The following PTPRZ1 variants were observed in gnomAD, a reference collection of about 807,000 sequenced individuals.
PTPRZ1 encodes protein tyrosine phosphatase receptor type Z1.
PTPRZ1 carries 82 observed loss-of-function variants against 214.1 expected under a neutral mutation model. That is an observed-to-expected ratio of 0.38 (90% CI 0.32 to 0.46). PTPRZ1 has a LOEUF of 0.46. Among genes scored for constraint, PTPRZ1 ranks in the 20% least tolerant of loss-of-function variants. PTPRZ1 has a pLI of 1.00. For synonymous variants in PTPRZ1, 945 were observed against 987.9 expected, an observed-to-expected ratio of 0.96 and a Z score of 0.81; for missense variants, 2,603 against 2,748.7, an observed-to-expected ratio of 0.95 and a Z score of 1.19.
At chr7:121,966,994 T>C (rs1468849404) in intron 2 of PTPRZ1, 1 of 152,176 alleles carries the variant, frequency 6.6e-6, no homozygotes, top group East Asian at 1.9e-4. Flanking sequence ...GCCATGGAAA[T>C]GCTAGCGTTT....
chr7:122,035,111 T>A (rs1562874622), intron 17 of PTPRZ1, among the ~76,000 whole-genome samples: 2 of 152,266 alleles, frequency 1.3e-5, no homozygotes, highest in African/African-American at 4.8e-5. Flanking sequence ...ACATTCTACT[T>A]ATACCCTTTC....
chr7:121,981,190 C>T (rs1323120392), intron 6 of PTPRZ1, among the ~76,000 whole-genome samples: 1 of 151,836 alleles, frequency 6.6e-6, no homozygotes, highest in East Asian at 1.9e-4. Flanking sequence ...GAAAAGGCTT[C>T]ACTTTACTTG....
chr7:121,945,717 A>C lies in PTPRZ1; in HGVS notation c.124+17496A>C, dbSNP rs564202878. Among the ~76,000 whole-genome samples, 77 of 152,222 alleles carry C rather than the reference A, an allele frequency of 5.1e-4. 1 individual carries two copies. Among genetic ancestry groups the C allele is most frequent in the South Asian group, 2.5e-3 (12 of 4,822 alleles). ...TCCTTTAAATTCTGTACCTCTTCTT[A>C]TACACACCCTAGAGACAGTGTGCCA... On this transcript the variant is annotated intron_variant, in intron 2 of 29. Coordinates refer to ENST00000393386, the MANE Select transcript of PTPRZ1 (RefSeq NM_002851.3).
chr7:121,877,673 C>T (rs1262487509), intron 1 of PTPRZ1, among the ~76,000 whole-genome samples: 2 of 152,182 alleles, frequency 1.3e-5, no homozygotes, highest in Non-Finnish European at 2.9e-5. Context: ...GAGACTTAAA[C>T]TCATGATGCT....
In PTPRZ1 at chr7:122,010,288, T is replaced by TC. The variant is rs1429738110; in HGVS notation, c.1288-45dup. The TC allele has an allele frequency of 3.3e-6, 5 of 1,526,752 alleles. No homozygotes were observed. In the Admixed American group the frequency reaches 8.8e-5, roughly 27 times the overall value. 94.6% of individuals were successfully genotyped at this position (1,526,752 alleles called of 1,614,324 possible). On this transcript the variant is annotated intron_variant, in intron 11 of 29. Coordinates refer to ENST00000393386, the MANE Select transcript of PTPRZ1 (RefSeq NM_002851.3). Reference sequence around the variant, plus strand: ...GTGTAAGATATGAAGATTTTCTTTTTCTCTTATTTCCTTATGACTCATTAA... The same window carrying TC: ...GTGTAAGATATGAAGATTTTCTTTTTCCTCTTATTTCCTTATGACTCATTAA...
rs1225471606 is a variant in PTPRZ1, at chr7:122,031,506, C to A, written c.5113C>A (p.Pro1705Thr). 1 of 1,611,282 alleles carries A rather than the reference C, an allele frequency of 6.2e-7. No homozygotes were observed. Among genetic ancestry groups the A allele is most frequent in the Non-Finnish European group, 8.5e-7 (1 of 1,178,492 alleles). The change falls in exon 15 of 30, where the codon CCA (proline) becomes ACA (threonine). Residue 1705 changes from proline to threonine, a missense_variant. Pro to Thr is a conservative substitution (Grantham distance 38, BLOSUM62 -1). Around this residue, in one of 6 missense-constraint regions of PTPRZ1, gnomAD observed 1,913 missense variants for 1,914.3 expected, o/e 1.00. Transcript: ENST00000393386. The part of the protein sequence containing the change: ...DVGAIPIKHF[P>T]KHVADLHASS... ...CGGAGCAATTCCAATAAAGCACTTT[C>A]CAAAGCATGTTGCAGATTTACATGC...
Position 121,897,869 on chromosome 7 carries a change from T to C in PTPRZ1, c.58+24312T>C, listed in dbSNP as rs571943111. 7.9e-5 allele frequency among the ~76,000 whole-genome samples: 12 copies of C among 152,322 alleles called. No individual in the cohort carries two copies. The East Asian group carries it at 1.9e-3, about 25-fold the overall frequency. ...GGTATATATAAGGCAAAATTATCCA[T>C]TGATGACTTATTACTTATTTGGCCA... On this transcript the variant is annotated intron_variant, in intron 1 of 29. Coordinates refer to ENST00000393386, the MANE Select transcript of PTPRZ1 (RefSeq NM_002851.3).
At chr7:121,994,622 C>T (rs1482858432) in intron 8 of PTPRZ1, among the ~76,000 whole-genome samples, 1 of 152,024 alleles carries the variant, frequency 6.6e-6, no homozygotes, top group East Asian at 1.9e-4. Context: ...ATGATATTGT[C>T]CAGAGTCACT....
At chr7:121,905,800 G>A (rs1795098959) in intron 1 of PTPRZ1, among the ~76,000 whole-genome samples, 1 of 152,100 alleles carries the variant, frequency 6.6e-6, no homozygotes, top group African/African-American at 2.4e-5. Flanking sequence ...AGTAAATCTG[G>A]AAGCATTTTT....
chr7:122,021,313 A>G (rs991361752), intron 13 of PTPRZ1, among the ~76,000 whole-genome samples: 3 of 152,192 alleles, frequency 2.0e-5, no homozygotes, highest in Admixed American at 6.5e-5. Context: ...CATCTGCATT[A>G]TATGGGGAAA....
chr7:122,043,902 C>T (rs1163839817), intron 22 of PTPRZ1, among the ~76,000 whole-genome samples: 1 of 152,028 alleles, frequency 6.6e-6, no homozygotes, highest in Non-Finnish European at 1.5e-5. Context: ...GCACATGTAC[C>T]CCTGAACTTA....
In PTPRZ1 at chr7:122,013,334, G is replaced by A; in HGVS notation, c.4288G>A (p.Asp1430Asn). 6.2e-7 allele frequency: 1 copy of A among 1,614,114 alleles called. No individual in the cohort carries two copies. Among genetic ancestry groups the A allele is most frequent in the East Asian group, 2.2e-5 (1 of 44,872 alleles). ...TGATGATGATGGTGATGATGATGATGATGACAGAGGTAGTGATGGCTTATC... is the reference window on the plus strand; with the variant it reads ...TGATGATGATGGTGATGATGATGATAATGACAGAGGTAGTGATGGCTTATC... ...DTDDDGDDDD[D>N]DRGSDGLSIH... The change falls in exon 12 of 30, where the codon GAT (aspartate) becomes AAT (asparagine). Residue 1430 changes from aspartate to asparagine, a missense_variant. This residue lies in a region of PTPRZ1 where 1,913 missense variants were observed against 1,914.3 expected (regional missense o/e 1.00). Transcript: ENST00000393386.
chr7:121,903,557 G>T (rs1367404761), intron 1 of PTPRZ1, among the ~76,000 whole-genome samples: 1 of 152,148 alleles, frequency 6.6e-6, no homozygotes, highest in East Asian at 1.9e-4. Flanking sequence ...CAAATCAATG[G>T]AATATAAATA....
intron 1 of PTPRZ1, among the ~76,000 whole-genome samples, chr7:121,923,716 T>C (rs980173311): frequency 2.0e-5 from 3 of 151,492 alleles, no homozygotes; most frequent in Non-Finnish European, 4.4e-5. Flanking sequence ...GTGGTAAAAA[T>C]TTTGAGAAAA....
chr7:122,044,533 C>T lies in PTPRZ1; in HGVS notation c.6049C>T (p.Pro2017Ser). 1 of 1,613,758 alleles carries T rather than the reference C, an allele frequency of 6.2e-7. No individual in the cohort carries two copies. Among genetic ancestry groups the T allele is most frequent in the Non-Finnish European group, 8.5e-7 (1 of 1,179,780 alleles). The change falls in exon 23 of 30, where the codon CCA (proline) becomes TCA (serine). Residue 2017 changes from proline (P) to serine (S), a missense_variant. Around this residue, in one of 6 missense-constraint regions of PTPRZ1, gnomAD observed 1,913 missense variants for 1,914.3 expected, o/e 1.00. Coordinates refer to ENST00000393386, the MANE Select transcript of PTPRZ1 (RefSeq NM_002851.3). Reference sequence around the variant, plus strand: ...TGTTAATGCACTCCTCATTCCTGGACCAGCAGGCAAAACAAAGCTAGAGAA... The same window carrying T: ...TGTTAATGCACTCCTCATTCCTGGATCAGCAGGCAAAACAAAGCTAGAGAA... ...AYVNALLIPG[P>S]AGKTKLEKQF...
intron 25 of PTPRZ1, among the ~76,000 whole-genome samples, chr7:122,052,654 A>C (rs1405748745): frequency 6.6e-6 from 1 of 152,172 alleles, no homozygotes; most frequent in African/African-American, 2.4e-5. Flanking sequence ...TGGGATCTGA[A>C]AGCAGAAGGG....
intron 6 of PTPRZ1, among the ~76,000 whole-genome samples, chr7:121,980,644 T>C: frequency 6.6e-6 from 1 of 152,266 alleles, no homozygotes; most frequent in Admixed American, 6.5e-5. Context: ...AGCAGTTGTC[T>C]GTAACTTTAG....
chr7:122,031,882 C>A (rs1147495), intron 15 of PTPRZ1: 95,588 of 159,340 alleles, frequency 0.6, 30,956 homozygotes, highest in African/African-American at 0.87. Context: ...TTTCTAAATT[C>A]TATAAATTAT....
chr7:121,878,967 C>T (rs967839016), intron 1 of PTPRZ1, among the ~76,000 whole-genome samples: 7 of 152,090 alleles, frequency 4.6e-5, no homozygotes, highest in African/African-American at 7.2e-5. Flanking sequence ...GATCTCAGTC[C>T]GGGAGTAAGG....
Sources: allele counts gnomAD v4.1 joint callset (sites outside exome capture counted in the v4.1 genomes callset), GRCh38; gene constraint gnomAD v4.1.1; regional missense constraint gnomAD v4.1.1; transcripts MANE v1.5; gene names NCBI Gene and HGNC (gene_info 2026-07-23, HGNC 2026-07-21).